Variants in CSMD3 observed in about 807,000 individuals in gnomAD.
The protein encoded by CSMD3 is CUB and Sushi multiple domains 3.
Under a neutral mutation model 435.2 loss-of-function variants are expected in CSMD3, and 177 were observed. The observed-to-expected ratio is 0.41, with a 90% CI of 0.36 to 0.46. The LOEUF (loss-of-function observed/expected upper bound fraction) is 0.46, where lower values mean the gene tolerates loss of function less well. CSMD3 is among the 20% of genes least tolerant of loss of function. The pLI is 0.34. For missense variants in CSMD3, 4,265 were observed against 4,504.6 expected, an observed-to-expected ratio of 0.95 and a Z score of 1.52; for synonymous variants, 1,656 against 1,520.5, an observed-to-expected ratio of 1.09 and a Z score of -2.07.
chr8:113,415,695 A>T (rs2094578952), intron 1 of CSMD3, among the ~76,000 whole-genome samples: 1 of 152,150 alleles, frequency 6.6e-6, no homozygotes, highest in Admixed American at 6.5e-5. Context: ...CTTAGTATTG[A>T]AAGACAGAAT....
chr8:113,314,897 A>G, intron 1 of CSMD3, 104 bp from the exon 2 acceptor site: 2 of 757,560 alleles, frequency 2.6e-6, no homozygotes, highest in Non-Finnish European at 4.4e-6. Context: ...GACCAAAGTT[A>G]ACAATAATTT....
chr8:113,046,209 C>T (rs1366614686), intron 5 of CSMD3, among the ~76,000 whole-genome samples: 1 of 148,684 alleles, frequency 6.7e-6, no homozygotes, highest in African/African-American at 2.4e-5. Context: ...GCCAACCACA[C>T]GAGGTGCGAC....
At chr8:112,291,450 T>C in intron 56 of CSMD3, 60 bp downstream of exon 56, 1 of 1,123,546 alleles carries the variant, frequency 8.9e-7, no homozygotes, top group Non-Finnish European at 1.4e-6. Context: ...ATAAAGATGA[T>C]AAACATTCCT....
rs1829698725 is a variant in CSMD3, at chr8:112,573,515, T to C, written c.4028A>G (p.Gln1343Arg). ...AAAATACTTACTGGTATACACAAGT[T>C]GAAAGCCTTCATCTGTCCCTTCAGT... is the stretch of plus-strand genomic sequence containing the variant. ...SDTEGTDEGF[Q>R]LVYTSFELSH... Residue 1343 changes from glutamine (Q) to arginine (R), a missense_variant, in exon 24 of 71, where the codon CAA becomes CGA. This residue lies in a region of CSMD3 where 3,255 missense variants were observed against 3,380.2 expected (regional missense o/e 0.96). Coordinates refer to ENST00000297405, the MANE Select transcript of CSMD3 (RefSeq NM_198123.2). The C allele has an allele frequency of 1.9e-6, 3 of 1,613,330 alleles. No individual in the cohort carries two copies. Among genetic ancestry groups the C allele is most frequent in the African/African-American group, 1.3e-5 (1 of 74,922 alleles).
At chr8:112,706,584 G>T (rs971363698) in intron 13 of CSMD3, among the ~76,000 whole-genome samples, 1 of 152,018 alleles carries the variant, frequency 6.6e-6, no homozygotes, top group Admixed American at 6.6e-5. Context: ...GAACAAAAGA[G>T]CACATTTGGA....
intron 38 of CSMD3, among the ~76,000 whole-genome samples, chr8:112,376,801 G>T (rs1278606786): frequency 2.0e-5 from 3 of 152,078 alleles, no homozygotes; most frequent in Non-Finnish European, 4.4e-5. Flanking sequence ...TATTTTAATT[G>T]TTTGGTAAGT....
rs938463043 is a variant in CSMD3 at position 113,223,822 on chromosome 8, A to G, written c.515-49906T>C. ...ATGTATCTGTGTGTTGTATATAAGG[A>G]AAAAAAAACATGTTTCTGCTACTAA... On this transcript the variant is annotated intron_variant, in intron 3 of 70. Transcript: ENST00000297405. 5.5e-5 allele frequency among the ~76,000 whole-genome samples: 8 copies of G among 146,180 alleles called. No homozygotes were observed. In the South Asian group the frequency reaches 1.1e-3, roughly 19 times the overall value.
chr8:112,247,606 GTGA>G (rs1486450669), intron 63 of CSMD3, among the ~76,000 whole-genome samples: 2 of 152,136 alleles, frequency 1.3e-5, no homozygotes, highest in Non-Finnish European at 2.9e-5. Flanking sequence ...GAAGGTGGTG[GTGA>G]TAACGGAAAT....
intron 45 of CSMD3, 151 bp downstream of exon 45, chr8:112,335,178 A>G: frequency 1.3e-6 from 1 of 751,056 alleles, no homozygotes; most frequent in Non-Finnish European, 2.2e-6. Flanking sequence ...TTTGCAAGGA[A>G]ATGTGTTTGA....
chr8:112,258,099 C>T (rs1347530796), intron 61 of CSMD3, among the ~76,000 whole-genome samples: 1 of 152,068 alleles, frequency 6.6e-6, no homozygotes, highest in Admixed American at 6.6e-5. Context: ...TGAAACTGTA[C>T]CCCTTCCTTA....
intron 3 of CSMD3, among the ~76,000 whole-genome samples, chr8:113,270,910 G>A (rs1201415017): frequency 6.6e-6 from 1 of 151,530 alleles, no homozygotes; most frequent in Non-Finnish European, 1.5e-5. Flanking sequence ...CACCAACATG[G>A]CACATGTATA....
At chr8:113,249,375 T>C (rs897869561) in intron 3 of CSMD3, among the ~76,000 whole-genome samples, 1 of 152,082 alleles carries the variant, frequency 6.6e-6, no homozygotes, top group Non-Finnish European at 1.5e-5. Context: ...ATGGAAACAT[T>C]TGAGACCCAC....
chr8:112,522,940 T>G (rs982268883), intron 27 of CSMD3, among the ~76,000 whole-genome samples: 1 of 151,928 alleles, frequency 6.6e-6, no homozygotes, highest in Admixed American at 6.6e-5. Context: ...AACTGAAATA[T>G]GGATGATTAC....
At position 112,291,640 on chromosome 8, in the gene CSMD3, T is replaced by C; in HGVS notation, c.8844A>G (p.Ile2948Met). Residue 2948 changes from isoleucine (I) to methionine (M), a missense_variant, in exon 56 of 71, where the codon ATA becomes ATG. This residue lies in a region of CSMD3 where 3,255 missense variants were observed against 3,380.2 expected (regional missense o/e 0.96). Coordinates refer to ENST00000297405, the MANE Select transcript of CSMD3 (RefSeq NM_198123.2). ...TGCCGTAAGTAAAATTTCCATGTTC[T>C]ATTTTACTTTCTCTTTTAGAATTGG... ...IPANSKRESK[I>M]EHGNFTYGTV... The C allele has an allele frequency of 6.2e-7, 1 of 1,611,880 alleles. No homozygotes were observed. Among genetic ancestry groups the C allele is most frequent in the Non-Finnish European group, 8.5e-7 (1 of 1,178,286 alleles).
chr8:112,473,320 G>T (rs927622569), intron 31 of CSMD3, among the ~76,000 whole-genome samples: 1 of 152,062 alleles, frequency 6.6e-6, no homozygotes, highest in African/African-American at 2.4e-5. Context: ...GTATATGGGG[G>T]TCCTGTTATT....
chr8:113,131,199 T>C (rs1221500425), intron 4 of CSMD3, among the ~76,000 whole-genome samples: 1 of 152,094 alleles, frequency 6.6e-6, no homozygotes, highest in Non-Finnish European at 1.5e-5. Context: ...TCAAGCCTGC[T>C]TCAGAAATTT....
At chr8:112,861,773 A>G (rs2080833780) in intron 10 of CSMD3, among the ~76,000 whole-genome samples, 2 of 151,920 alleles carry the variant, frequency 1.3e-5, no homozygotes, top group African/African-American at 2.4e-5. Flanking sequence ...AGCAATCACA[A>G]AGCAATTGGT....
At chr8:112,703,246 T>G (rs759005842) in intron 13 of CSMD3, among the ~76,000 whole-genome samples, 1 of 152,038 alleles carries the variant, frequency 6.6e-6, no homozygotes, top group Non-Finnish European at 1.5e-5. Context: ...GAGTAGCACA[T>G]GATTCTGCTC....
chr8:112,639,835 T>G (rs1258350055), intron 20 of CSMD3, among the ~76,000 whole-genome samples: 1 of 152,176 alleles, frequency 6.6e-6, no homozygotes, highest in Non-Finnish European at 1.5e-5. Context: ...GTTCAACTGT[T>G]GATGGTCACT....
Sources: allele counts gnomAD v4.1 joint callset (sites outside exome capture counted in the v4.1 genomes callset), GRCh38; gene constraint gnomAD v4.1.1; regional missense constraint gnomAD v4.1.1; transcripts MANE v1.5; gene names NCBI Gene and HGNC (gene_info 2026-07-23, HGNC 2026-07-21).